Variants in NR3C2 observed in about 807,000 individuals in gnomAD.
NR3C2 encodes mineralocorticoid receptor.
NR3C2 carries 15 observed loss-of-function variants against 86.4 expected under a neutral mutation model. That is an observed-to-expected ratio of 0.17 (90% CI 0.12 to 0.27). The LOEUF (loss-of-function observed/expected upper bound fraction) is 0.27. NR3C2 is among the 10% of genes least tolerant of loss of function. NR3C2 has a pLI of 1.00. For missense variants in NR3C2, 960 were observed against 1,195.6 expected (o/e 0.80, Z 2.91); for synonymous variants, 458 against 450.5 (o/e 1.02, Z -0.21).
At chr4:148,391,300 C>CATCT (rs1159301085) in intron 2 of NR3C2, among the ~76,000 whole-genome samples, 1 of 152,134 alleles carries the variant, frequency 6.6e-6, no homozygotes, top group Non-Finnish European at 1.5e-5. Context: ...CAGAATTGTA[C>CATCT]ATCTCATATT....
chr4:148,300,446 T>A (rs1207445558), intron 2 of NR3C2, among the ~76,000 whole-genome samples: 1 of 152,212 alleles, frequency 6.6e-6, no homozygotes, highest in African/African-American at 2.4e-5. Flanking sequence ...TAAAGACTGC[T>A]CAGCTTAATT....
intron 6 of NR3C2, among the ~76,000 whole-genome samples, chr4:148,127,971 C>T (rs968236748): frequency 5.3e-5 from 8 of 152,262 alleles, no homozygotes; most frequent in African/African-American, 1.9e-4. Flanking sequence ...ATCTGATTCA[C>T]TTGGGACTAA....
At chr4:148,091,370 GA>G (rs918392842) in intron 8 of NR3C2, among the ~76,000 whole-genome samples, 4 of 152,254 alleles carry the variant, frequency 2.6e-5, no homozygotes, top group African/African-American at 7.2e-5. Context: ...CTTCAGGGCA[GA>G]ACCCACAGAT....
At chr4:148,355,354 C>T (rs147737028) in intron 2 of NR3C2, among the ~76,000 whole-genome samples, 2 of 152,254 alleles carry the variant, frequency 1.3e-5, no homozygotes, top group Non-Finnish European at 2.9e-5. Context: ...ATATACTTAA[C>T]GGCCTTGCAT....
At chr4:148,192,009 T>C (rs1440095132) in intron 4 of NR3C2, among the ~76,000 whole-genome samples, 2 of 152,172 alleles carry the variant, frequency 1.3e-5, no homozygotes, top group Admixed American at 1.3e-4. Flanking sequence ...TTCTTCTTGG[T>C]TTGGATCCAT....
intron 2 of NR3C2, among the ~76,000 whole-genome samples, chr4:148,370,656 G>C (rs1465039336): frequency 6.6e-6 from 1 of 152,104 alleles, no homozygotes; most frequent in Non-Finnish European, 1.5e-5. Context: ...TAAAATGGAT[G>C]AATGGGAGGG....
chr4:148,115,635 A>G (rs1560929422), intron 7 of NR3C2, among the ~76,000 whole-genome samples: 1 of 152,222 alleles, frequency 6.6e-6, no homozygotes, highest in East Asian at 1.9e-4. Context: ...CTGTTTCCAC[A>G]TAAACCCTGT....
chr4:148,289,780 C>A (rs1741710856), intron 2 of NR3C2, among the ~76,000 whole-genome samples: 1 of 152,134 alleles, frequency 6.6e-6, no homozygotes, highest in Non-Finnish European at 1.5e-5. Flanking sequence ...CCCTTCCTCC[C>A]TTTTCTTTTC....
intron 2 of NR3C2, among the ~76,000 whole-genome samples, chr4:148,271,522 C>G (rs987391426): frequency 6.6e-6 from 1 of 152,072 alleles, no homozygotes; most frequent in African/African-American, 2.4e-5. Context: ...TGTGGCCACA[C>G]GAAAGTACAT....
intron 4 of NR3C2, among the ~76,000 whole-genome samples, chr4:148,170,437 TA>T (rs35135883): frequency 6.6e-6 from 1 of 151,804 alleles, no homozygotes; most frequent in Non-Finnish European, 1.5e-5. Flanking sequence ...CTCAGCATAA[TA>T]AAAAAATTCA....
At chr4:148,326,946 A>T (rs1001969746) in intron 2 of NR3C2, among the ~76,000 whole-genome samples, 2 of 152,238 alleles carry the variant, frequency 1.3e-5, no homozygotes, top group Non-Finnish European at 2.9e-5. Context: ...AATATACTTT[A>T]AAAACATAAT....
intron 6 of NR3C2, among the ~76,000 whole-genome samples, chr4:148,123,661 CT>C (rs1169052538): frequency 2.0e-5 from 3 of 152,220 alleles, no homozygotes; most frequent in African/African-American, 7.2e-5. Flanking sequence ...CTGGCCAACA[CT>C]TATGGAAAAT....
chr4:148,340,030 A>C (rs1744677279), intron 2 of NR3C2, among the ~76,000 whole-genome samples: 1 of 152,170 alleles, frequency 6.6e-6, no homozygotes, highest in Admixed American at 6.5e-5. Context: ...ACTACAAAAC[A>C]CTGACGAAAG....
intron 2 of NR3C2, among the ~76,000 whole-genome samples, chr4:148,272,686 A>C (rs1740749190): frequency 6.6e-6 from 1 of 152,326 alleles, no homozygotes; most frequent in East Asian, 1.9e-4. Flanking sequence ...CTTTTGCCTA[A>C]CACTCTTAAA....
At position 148,154,584 on chromosome 4, in the gene NR3C2, T is replaced by G. The variant is rs1193752821; in HGVS notation, c.2332A>C (p.Ile778Leu). Reference sequence around the variant, plus strand: ...ACCTTTGCCCACTTCACGACTTGGATCATCTGTTTGCCTGCTAAGCGGTTG... The same window carrying G: ...ACCTTTGCCCACTTCACGACTTGGAGCATCTGTTTGCCTGCTAAGCGGTTG... ...TLNRLAGKQM[I>L]QVVKWAKVLP... is the part of the protein sequence containing the mutation. Residue 778 changes from isoleucine (I) to leucine (L), a missense_variant, in exon 5 of 9, where the codon ATC (isoleucine) becomes CTC (leucine). Coordinates refer to ENST00000358102, the MANE Select transcript of NR3C2 (RefSeq NM_000901.5). The G allele has an allele frequency of 6.2e-7, 1 of 1,614,190 alleles. No individual in the cohort carries two copies. The highest frequency in any genetic ancestry group is 1.7e-5 in the Admixed American group (1 of 60,028).
intron 2 of NR3C2, among the ~76,000 whole-genome samples, chr4:148,269,970 TAC>T (rs1740593120): frequency 6.6e-6 from 1 of 152,168 alleles, no homozygotes; most frequent in African/African-American, 2.4e-5. Flanking sequence ...TACATTAAGA[TAC>T]AGACTTAGAT....
At chr4:148,330,822 T>C (rs1292005297) in intron 2 of NR3C2, among the ~76,000 whole-genome samples, 1 of 152,108 alleles carries the variant, frequency 6.6e-6, no homozygotes, top group African/African-American at 2.4e-5. Flanking sequence ...CTTGGCACCA[T>C]TCCCTTGGCG....
chr4:148,253,051 C>T (rs4083100), intron 3 of NR3C2, among the ~76,000 whole-genome samples: 26,292 of 152,218 alleles, frequency 0.17, 2,987 homozygotes, highest in East Asian at 0.47. Context: ...TTACTTTTGG[C>T]TCACACATCC....
At chr4:148,398,479 A>T (rs1747973920) in intron 2 of NR3C2, among the ~76,000 whole-genome samples, 1 of 152,224 alleles carries the variant, frequency 6.6e-6, no homozygotes, top group African/African-American at 2.4e-5. Flanking sequence ...TTTTATTTGT[A>T]GTATGTGTAT....
Sources: gnomAD v4.1 joint callset for allele counts (sites outside exome capture counted in the v4.1 genomes callset) on GRCh38, gnomAD v4.1.1 for gene constraint, MANE v1.5 for transcripts, NCBI Gene and HGNC (gene_info 2026-07-23, HGNC 2026-07-21) for gene names.